Variants in ADAMTSL3 observed in about 807,000 individuals in gnomAD.
ADAMTSL3 encodes the protein ADAMTS like 3.
Under a neutral mutation model 201.7 loss-of-function variants are expected in ADAMTSL3, and 128 were observed. That is an observed-to-expected ratio of 0.63 (90% CI 0.55 to 0.73). ADAMTSL3 has a LOEUF of 0.73. Among genes scored for constraint, ADAMTSL3 ranks in the 30% least tolerant of loss-of-function variants. The pLI is 0.00. For missense variants in ADAMTSL3, 1,990 were observed against 2,119.6 expected, an observed-to-expected ratio of 0.94 and a Z score of 1.20; for synonymous variants, 738 against 748.4, an observed-to-expected ratio of 0.99 and a Z score of 0.23.
chr15:83,907,417 A>G (rs975954152), intron 15 of ADAMTSL3, among the ~76,000 whole-genome samples: 13 of 152,138 alleles, frequency 8.5e-5, no homozygotes, highest in Admixed American at 2.0e-4. Flanking sequence ...ATGATTTTTC[A>G]CTTTGAGACG....
chr15:83,923,898 C>G lies in ADAMTSL3; in HGVS notation c.1988-6C>G. 1 of 1,613,614 alleles carries G rather than the reference C, an allele frequency of 6.2e-7. No homozygotes were observed. Among genetic ancestry groups the G allele is most frequent in the Non-Finnish European group, 8.5e-7 (1 of 1,179,804 alleles). On this transcript the variant is annotated splice_region_variant and splice_polypyrimidine_tract_variant and intron_variant, in intron 16 of 29. Transcript: ENST00000286744. The stretch of plus-strand genomic sequence containing the variant: ...ATTTGCATTTTTTCCTCTTTCTAAC[C>G]TGCAGGCCATCAAGAAGCCATAGCA...
chr15:83,927,369 C>T (rs756136253), intron 17 of ADAMTSL3, among the ~76,000 whole-genome samples: 9 of 152,192 alleles, frequency 5.9e-5, no homozygotes, highest in Non-Finnish European at 1.0e-4. Flanking sequence ...CCACCTCAGC[C>T]TCCCAAAGTG....
At chr15:83,946,545 G>T (rs2066658277) in intron 19 of ADAMTSL3, among the ~76,000 whole-genome samples, 1 of 152,188 alleles carries the variant, frequency 6.6e-6, no homozygotes, top group Non-Finnish European at 1.5e-5. Flanking sequence ...TGAGGCCAGT[G>T]GCCATGGGAT....
chr15:83,677,050 G>A (rs2061416254), intron 2 of ADAMTSL3, among the ~76,000 whole-genome samples: 1 of 152,192 alleles, frequency 6.6e-6, no homozygotes, highest in Admixed American at 6.5e-5. Context: ...TTAGAAACAT[G>A]TTATTTACTT....
intron 22 of ADAMTSL3, among the ~76,000 whole-genome samples, chr15:83,990,839 T>C (rs1486926710): frequency 2.0e-5 from 3 of 152,176 alleles, no homozygotes; most frequent in Non-Finnish European, 4.4e-5. Flanking sequence ...AGTCTATACA[T>C]ACTGTTGTTG....
At chr15:83,788,805 CT>C (rs2063301539) in intron 4 of ADAMTSL3, among the ~76,000 whole-genome samples, 1 of 151,860 alleles carries the variant, frequency 6.6e-6, no homozygotes, top group South Asian at 2.1e-4. Context: ...ATTTTCTTTT[CT>C]TTTTTTCTTT....
At chr15:83,929,330 G>A (rs778043235) in intron 17 of ADAMTSL3, among the ~76,000 whole-genome samples, 17 of 152,168 alleles carry the variant, frequency 1.1e-4, no homozygotes, top group East Asian at 7.7e-4. Flanking sequence ...CTTTCTTAGA[G>A]CTGTGAGAGA....
intron 17 of ADAMTSL3, among the ~76,000 whole-genome samples, chr15:83,939,185 T>G (rs978080924): frequency 1.3e-5 from 2 of 152,184 alleles, no homozygotes. Context: ...TGCTAATATT[T>G]TATTTAGGAT....
At chr15:83,737,621 G>A (rs1174607983) in intron 3 of ADAMTSL3, among the ~76,000 whole-genome samples, 5 of 152,044 alleles carry the variant, frequency 3.3e-5, no homozygotes, top group South Asian at 2.1e-4. Flanking sequence ...GCCCAGTCTC[G>A]GGCAGTTCTT....
At chr15:83,719,506 C>T (rs746865545) in intron 3 of ADAMTSL3, among the ~76,000 whole-genome samples, 8 of 152,078 alleles carry the variant, frequency 5.3e-5, no homozygotes, top group Admixed American at 3.9e-4. Context: ...GTTGTCAACT[C>T]CTAATTTCTG....
At chr15:83,688,158 A>C (rs982422213) in intron 2 of ADAMTSL3, among the ~76,000 whole-genome samples, 1 of 152,162 alleles carries the variant, frequency 6.6e-6, no homozygotes, top group African/African-American at 2.4e-5. Flanking sequence ...CTTGTATCTC[A>C]AAGGGTGCAC....
chr15:83,824,158 C>T (rs900517249), intron 6 of ADAMTSL3, among the ~76,000 whole-genome samples: 1 of 151,840 alleles, frequency 6.6e-6, no homozygotes, highest in Non-Finnish European at 1.5e-5. Context: ...ATCCTCCTGC[C>T]TCAGCCTCCC....
intron 15 of ADAMTSL3, 29 bp downstream of exon 15, chr15:83,899,760 T>C (rs780123982): frequency 1.2e-6 from 2 of 1,601,782 alleles, no homozygotes; most frequent in Non-Finnish European, 1.7e-6. Context: ...GTAGGAATAA[T>C]CAGGGCATAG....
chr15:83,748,185 A>G (rs1355435034), intron 3 of ADAMTSL3, among the ~76,000 whole-genome samples: 1 of 152,202 alleles, frequency 6.6e-6, no homozygotes, highest in Non-Finnish European at 1.5e-5. Context: ...GCCTGTGGGG[A>G]TAGCAGCACT....
intron 13 of ADAMTSL3, among the ~76,000 whole-genome samples, chr15:83,893,415 A>G (rs915306640): frequency 5.3e-5 from 8 of 152,226 alleles, no homozygotes; most frequent in African/African-American, 1.9e-4. Flanking sequence ...GAAGATTTGA[A>G]GAGATGACCC....
intron 17 of ADAMTSL3, 149 bp downstream of exon 17, chr15:83,924,182 C>G (rs2066206298): frequency 1.8e-6 from 2 of 1,116,976 alleles, no homozygotes; most frequent in Admixed American, 2.8e-5. Context: ...AAGTTATGCT[C>G]CAGCCAGATT....
intron 23 of ADAMTSL3, among the ~76,000 whole-genome samples, chr15:84,014,328 G>C (rs1017450869): frequency 1.3e-5 from 2 of 152,098 alleles, no homozygotes; most frequent in Admixed American, 6.5e-5. Flanking sequence ...GTGTAAACCA[G>C]TCACATGCCC....
intron 19 of ADAMTSL3, among the ~76,000 whole-genome samples, chr15:83,963,280 C>T (rs1432415393): frequency 6.6e-6 from 1 of 152,218 alleles, no homozygotes; most frequent in Non-Finnish European, 1.5e-5. Context: ...GCTGCCAGTA[C>T]AGCAGTGCGA....
intron 3 of ADAMTSL3, among the ~76,000 whole-genome samples, chr15:83,764,071 T>C (rs1416054023): frequency 1.3e-5 from 2 of 152,174 alleles, no homozygotes; most frequent in African/African-American, 4.8e-5. Flanking sequence ...TCCTAACATC[T>C]CCTTTCTTCC....
Sources: allele counts gnomAD v4.1 joint callset (sites outside exome capture counted in the v4.1 genomes callset), GRCh38; gene constraint gnomAD v4.1.1; transcripts MANE v1.5; gene names NCBI Gene and HGNC (gene_info 2026-07-23, HGNC 2026-07-21).